The following KLHL14 variants were observed in gnomAD, a reference collection of about 807,000 sequenced individuals.
KLHL14 encodes kelch like family member 14, also known as kelch-like protein 14.
A neutral mutation model predicts 64.3 loss-of-function variants in KLHL14; 22 were observed. The observed-to-expected ratio is 0.34, with a 90% CI of 0.24 to 0.49. The LOEUF (loss-of-function observed/expected upper bound fraction) is 0.49, where lower values mean the gene tolerates loss of function less well. Among genes scored for constraint, KLHL14 ranks in the 20% least tolerant of loss-of-function variants. The pLI, the probability that KLHL14 is intolerant of heterozygous loss-of-function variation, is 0.99. For synonymous variants in KLHL14, 322 were observed against 333.4 expected (o/e 0.97, Z 0.37); for missense variants, 661 against 789.0 (o/e 0.84, Z 1.94).
At chr18:32,698,074 A>G (rs967042219) in intron 3 of KLHL14, among the ~76,000 whole-genome samples, 1 of 152,212 alleles carries the variant, frequency 6.6e-6, no homozygotes, top group Non-Finnish European at 1.5e-5. Flanking sequence ...TCTATATTCA[A>G]TCAATGTTTG....
chr18:32,761,271 C>T (rs909304888), intron 2 of KLHL14, among the ~76,000 whole-genome samples: 1 of 152,100 alleles, frequency 6.6e-6, no homozygotes, highest in Non-Finnish European at 1.5e-5. Flanking sequence ...TTCAGTTCAA[C>T]TGAAAAACAT....
intron 3 of KLHL14, chr18:32,733,984 T>C: frequency 1.7e-6 from 1 of 591,834 alleles, no homozygotes; most frequent in Non-Finnish European, 3.0e-6. Context: ...AAGAGGAGTC[T>C]CAAATCAGCT....
At chr18:32,725,566 A>C (rs1213123634) in intron 3 of KLHL14, among the ~76,000 whole-genome samples, 1 of 152,208 alleles carries the variant, frequency 6.6e-6, no homozygotes, top group African/African-American at 2.4e-5. Flanking sequence ...GTGCTTGCCC[A>C]TGGCCCTGGC....
chr18:32,757,359 T>G lies in KLHL14; in HGVS notation c.947+12286A>C, dbSNP rs114231698. ...GAAACTGGATAAGTTATTCTCATGA[T>G]AAATTTAGCTTTTCCGTGTCGGAAT... is the stretch of plus-strand genomic sequence containing the variant. On this transcript the variant is annotated intron_variant, in intron 2 of 8. Transcript: ENST00000359358. 1.3e-3 allele frequency among the ~76,000 whole-genome samples: 205 copies of G among 152,336 alleles called. 1 individual carries two copies. Among genetic ancestry groups the G allele is most frequent in the African/African-American group, 4.9e-3 (202 of 41,580 alleles).
At chr18:32,693,954 T>C (rs1441978241) in intron 4 of KLHL14, among the ~76,000 whole-genome samples, 1 of 152,030 alleles carries the variant, frequency 6.6e-6, no homozygotes, top group Non-Finnish European at 1.5e-5. Flanking sequence ...GAACAGCAAG[T>C]AGTTACAGGT....
At chr18:32,730,511 A>T (rs760683655) in intron 3 of KLHL14, among the ~76,000 whole-genome samples, 2 of 152,242 alleles carry the variant, frequency 1.3e-5, no homozygotes, top group Non-Finnish European at 2.9e-5. Context: ...CAGAGGCATT[A>T]TAATAGAAAA....
At chr18:32,744,900 A>G (rs2050216746) in intron 2 of KLHL14, 1 of 152,076 alleles carries the variant, frequency 6.6e-6, no homozygotes, top group Non-Finnish European at 1.5e-5. Context: ...GCCAGTGAAC[A>G]GTGGGCAAAC....
Position 32,769,787 on chromosome 18 carries a change from T to A in KLHL14, c.805A>T (p.Ile269Phe). The A allele has an allele frequency of 6.2e-7, 1 of 1,610,114 alleles. No homozygotes were observed. The highest frequency in any genetic ancestry group is 8.5e-7 in the Non-Finnish European group (1 of 1,177,296). ...DLMKRLRFALIPAPELVERVQ... is the reference protein window; with the variant it reads ...DLMKRLRFALFPAPELVERVQ... ...CGCTCCACCAGCTCCGGGGCCGGGA[T>A]GAGGGCGAAGCGGAGGCGCTTCATG... The change falls in exon 2 of 9, where the codon ATC becomes TTC. Residue 269 changes from isoleucine (I) to phenylalanine (F), a missense_variant. By Grantham distance (21) the Ile-to-Phe change is conservative. This residue lies in a region of KLHL14 where 330 missense variants were observed against 450.0 expected (regional missense o/e 0.73). Transcript: ENST00000359358.
chr18:32,680,016 C>T lies in KLHL14; in HGVS notation c.1588+153G>A, dbSNP rs1467685865. 6.6e-6 allele frequency among the ~76,000 whole-genome samples: 1 copy of T among 152,112 alleles called. No homozygotes were observed. Among genetic ancestry groups the T allele is most frequent in the Non-Finnish European group, 1.5e-5 (1 of 68,014 alleles). On this transcript the variant is annotated intron_variant, in intron 7 of 8. Transcript: ENST00000359358. This position sits in a 1 kb window ranked among gnomAD's most constrained non-coding sequence, Gnocchi z 4.8. ...AGCAAAGCCAAAATAAATGCTTGCT[C>T]AAGGGTACTGCCAATTTACACAGAG... is the stretch of plus-strand genomic sequence containing the variant.
Position 32,722,388 on chromosome 18 carries a change from C to T in KLHL14, c.1069+19540G>A, listed in dbSNP as rs1280046539. 2.0e-5 allele frequency among the ~76,000 whole-genome samples: 3 copies of T among 152,128 alleles called. No individual in the cohort carries two copies. The South Asian group carries it at 6.2e-4, about 32-fold the overall frequency. On this transcript the variant is annotated intron_variant, in intron 3 of 8. Coordinates refer to ENST00000359358, the MANE Select transcript of KLHL14 (RefSeq NM_020805.3). ...AACAACAACCAAAAAACGAGAGAAG[C>T]TTAACCAGAAGGAACCTGGGAAAAT... is the stretch of plus-strand genomic sequence containing the variant.
At chr18:32,678,104 T>C (rs75217628) in intron 7 of KLHL14, among the ~76,000 whole-genome samples, 2,064 of 152,266 alleles carry the variant, frequency 0.014, 52 homozygotes, top group African/African-American at 0.047. Flanking sequence ...CTACAGCTTC[T>C]GATAGGGTTC....
chr18:32,685,621 T>A (rs1019368078), intron 5 of KLHL14, among the ~76,000 whole-genome samples: 2 of 152,220 alleles, frequency 1.3e-5, no homozygotes, highest in African/African-American at 4.8e-5. Context: ...TTTGTCAAGC[T>A]ATTAATTGAC....
chr18:32,755,108 T>A (rs1188265626), intron 2 of KLHL14, among the ~76,000 whole-genome samples: 1 of 151,968 alleles, frequency 6.6e-6, no homozygotes, highest in African/African-American at 2.4e-5. Context: ...TCCCTCCTTG[T>A]AGGGAGCCAG....
chr18:32,720,499 G>A (rs568439094), intron 3 of KLHL14, among the ~76,000 whole-genome samples: 2 of 152,234 alleles, frequency 1.3e-5, no homozygotes, highest in East Asian at 3.9e-4. Flanking sequence ...AAATGGAGAT[G>A]TTTGGGTTTC....
chr18:32,763,436 A>T (rs1447169047), intron 2 of KLHL14, among the ~76,000 whole-genome samples: 1 of 152,182 alleles, frequency 6.6e-6, no homozygotes. Flanking sequence ...TGTAAATGCC[A>T]CATCTCCAAT....
chr18:32,724,352 T>C (rs1159944332), intron 3 of KLHL14, among the ~76,000 whole-genome samples: 1 of 152,222 alleles, frequency 6.6e-6, no homozygotes, highest in African/African-American at 2.4e-5. Flanking sequence ...ACAGGGATAT[T>C]ACCCAGAGTG....
At chr18:32,750,482 A>T (rs796655784) in intron 2 of KLHL14, among the ~76,000 whole-genome samples, 13 of 152,308 alleles carry the variant, frequency 8.5e-5, no homozygotes, top group African/African-American at 2.6e-4. Flanking sequence ...CATATGTTAC[A>T]CTGTATATAA....
chr18:32,752,953 ATTTGTGTGTG>A (rs2050263624), intron 2 of KLHL14, among the ~76,000 whole-genome samples: 1 of 70,246 alleles, frequency 1.4e-5, no homozygotes, highest in South Asian at 6.1e-4. Context: ...CCAGCATCAT[ATTTGTGTGTG>A]TGTGTGTGTG....
Position 32,672,683 on chromosome 18 carries a change from A to C in KLHL14, c.*1974T>G, listed in dbSNP as rs1418970223. On this transcript the variant is annotated 3_prime_UTR_variant, in exon 9 of 9. Coordinates refer to ENST00000359358, the MANE Select transcript of KLHL14 (RefSeq NM_020805.3). ...TGAGAGACAGTTGAATTAGTACATAAAGTTTTTATTTAAAGTTTTCCCCTT... is the reference window on the plus strand; with the variant it reads ...TGAGAGACAGTTGAATTAGTACATACAGTTTTTATTTAAAGTTTTCCCCTT... 6.6e-6 allele frequency: 1 copy of C among 152,598 alleles called. No individual in the cohort carries two copies. The highest frequency in any genetic ancestry group is 2.4e-5 in the African/African-American group (1 of 41,448). The allele number at this position is 152,598 out of a possible 1,614,324, so 9.5% of individuals were successfully genotyped here. A position where few individuals can be genotyped will look rare whatever the true frequency, so the allele number is the denominator to read the frequency against.
Sources: allele counts gnomAD v4.1 joint callset (sites outside exome capture counted in the v4.1 genomes callset), GRCh38; gene constraint gnomAD v4.1.1; regional missense constraint gnomAD v4.1.1; non-coding constraint Gnocchi (gnomAD v3.1); transcripts MANE v1.5; gene names NCBI Gene and HGNC (gene_info 2026-07-23, HGNC 2026-07-21).